The following EYS variants were observed in gnomAD, a reference collection of about 807,000 sequenced individuals.
The protein encoded by EYS is EGF-like photoreceptor maintenance factor, also known as protein eyes shut homolog.
Under a neutral mutation model 282.1 loss-of-function variants are expected in EYS, and 250 were observed. The observed-to-expected ratio is 0.89, with a 90% CI of 0.80 to 0.98. EYS has a LOEUF of 0.98. EYS is among the 50% of genes least tolerant of loss of function. EYS has a pLI of 0.00. For synonymous variants in EYS, 1,355 were observed against 1,282.9 expected (o/e 1.06, Z -1.20); for missense variants, 4,016 against 3,709.0 (o/e 1.08, Z -2.15).
Position 65,663,003 on chromosome 6 carries a change from C to T in EYS, c.-447-23111G>A, listed in dbSNP as rs532289977. Among the ~76,000 whole-genome samples the T allele has an allele frequency of 1.6e-4, 25 of 152,102 alleles. No individual in the cohort carries two copies. In the South Asian group the frequency reaches 2.5e-3, roughly 15 times the overall value. ...AGCGTATGTTAGGGTTTAGAGGGAG[C>T]GCCCCTAAAATATAAGAAAAATATT... On this transcript the variant is annotated intron_variant, in intron 1 of 42. Transcript: ENST00000503581.
intron 31 of EYS, among the ~76,000 whole-genome samples, chr6:64,121,534 T>C (rs190039616): frequency 6.7e-4 from 102 of 152,346 alleles, no homozygotes; most frequent in Non-Finnish European, 1.2e-3. Context: ...TGTGGCCTAA[T>C]GGTAAAGAAA....
At chr6:64,304,991 A>G (rs1454870285) in intron 30 of EYS, among the ~76,000 whole-genome samples, 1 of 152,070 alleles carries the variant, frequency 6.6e-6, no homozygotes, top group African/African-American at 2.4e-5. Context: ...ATCTAAACCC[A>G]AAGTAGAGAT....
chr6:64,188,481 A>T lies in EYS; in HGVS notation c.6424+42111T>A, dbSNP rs191659668. Among the ~76,000 whole-genome samples, 4 of 152,214 alleles carry T rather than the reference A, an allele frequency of 2.6e-5. No homozygotes were observed. The East Asian group carries it at 7.7e-4, about 29-fold the overall frequency. The stretch of plus-strand genomic sequence containing the variant: ...CGCTTTTTAGTAAAAATATATCCCA[A>T]ATATTGCATGGGATATATTATGCTA... On this transcript the variant is annotated intron_variant, in intron 31 of 42. Coordinates refer to ENST00000503581, the MANE Select transcript of EYS (RefSeq NM_001142800.2).
intron 36 of EYS, among the ~76,000 whole-genome samples, chr6:63,836,966 G>T (rs974395079): frequency 1.3e-5 from 2 of 151,830 alleles, no homozygotes; most frequent in African/African-American, 4.8e-5. Context: ...GAAATGAAAA[G>T]AATATTTTTT....
At chr6:64,391,566 A>G (rs1292624521) in intron 28 of EYS, among the ~76,000 whole-genome samples, 3 of 152,120 alleles carry the variant, frequency 2.0e-5, no homozygotes, top group Non-Finnish European at 2.9e-5. Context: ...TTTACAGTCA[A>G]GCAAATGCTG....
At chr6:65,484,347 T>C (rs940636103) in intron 5 of EYS, among the ~76,000 whole-genome samples, 13 of 152,184 alleles carry the variant, frequency 8.5e-5, no homozygotes, top group Non-Finnish European at 5.9e-5. Flanking sequence ...AGGGATGAGT[T>C]TGATAAATCA....
At chr6:65,005,916 G>T (rs1431186546) in intron 13 of EYS, among the ~76,000 whole-genome samples, 1 of 152,182 alleles carries the variant, frequency 6.6e-6, no homozygotes, top group African/African-American at 2.4e-5. Flanking sequence ...TTTTTTGAAA[G>T]TGTAGCCCCA....
chr6:65,468,291 CT>C (rs1246572117), intron 5 of EYS, among the ~76,000 whole-genome samples: 1 of 152,030 alleles, frequency 6.6e-6, no homozygotes, highest in East Asian at 1.9e-4. Context: ...TTTTCAAAGC[CT>C]TCTTCTCATG....
chr6:64,489,388 TGTG>T (rs1250701060), intron 26 of EYS, among the ~76,000 whole-genome samples: 1 of 150,482 alleles, frequency 6.6e-6, no homozygotes, highest in Admixed American at 6.7e-5. Flanking sequence ...CATGTGTACT[TGTG>T]GTGTGTTAAG....
chr6:65,611,625 T>G (rs188229518), intron 2 of EYS, among the ~76,000 whole-genome samples: 39 of 152,260 alleles, frequency 2.6e-4, no homozygotes, highest in African/African-American at 7.0e-4. Context: ...AATTCCAATC[T>G]GTTTAAATGT....
At chr6:64,440,258 T>G (rs1359858080) in intron 26 of EYS, among the ~76,000 whole-genome samples, 2 of 152,028 alleles carry the variant, frequency 1.3e-5, no homozygotes, top group Non-Finnish European at 2.9e-5. Flanking sequence ...ACTTTAAAAC[T>G]TCAAGAAATT....
At chr6:64,602,193 C>T (rs559682797) in intron 24 of EYS, among the ~76,000 whole-genome samples, 1 of 152,102 alleles carries the variant, frequency 6.6e-6, no homozygotes, top group Admixed American at 6.6e-5. Context: ...TCCATTCCAT[C>T]CTGCATTGTA....
chr6:64,721,899 A>G (rs1642198329), intron 22 of EYS, among the ~76,000 whole-genome samples: 1 of 152,206 alleles, frequency 6.6e-6, no homozygotes, highest in South Asian at 2.1e-4. Flanking sequence ...TTGGAACAAA[A>G]CTGATTTCAT....
chr6:63,868,182 T>TA (rs532143757), intron 35 of EYS, among the ~76,000 whole-genome samples: 8 of 152,204 alleles, frequency 5.3e-5, no homozygotes, highest in Admixed American at 2.0e-4. Flanking sequence ...AAAGCTTAGT[T>TA]AAAAAAATAC....
chr6:65,604,660 G>A (rs377538053), intron 2 of EYS, among the ~76,000 whole-genome samples: 6 of 151,872 alleles, frequency 4.0e-5, no homozygotes, highest in Admixed American at 6.6e-5. Context: ...GTATTTAAGC[G>A]AAAGTACGCT....
chr6:65,357,321 G>C (rs1385131811), intron 8 of EYS, among the ~76,000 whole-genome samples: 4 of 151,726 alleles, frequency 2.6e-5, no homozygotes, highest in Non-Finnish European at 4.4e-5. Context: ...AGTGTTTTTT[G>C]GCTTGCTATA....
At chr6:65,141,452 C>G (rs1185293080) in intron 12 of EYS, among the ~76,000 whole-genome samples, 1 of 151,762 alleles carries the variant, frequency 6.6e-6, no homozygotes, top group Admixed American at 6.6e-5. Context: ...TGTAACTAAC[C>G]TGCACATTGT....
Position 64,955,452 on chromosome 6 carries a change from T to A in EYS, c.2260-9538A>T, listed in dbSNP as rs537032123. ...CTACACACACAGAGAGGGAGAGTCT[T>A]GGGAGAGAGGCAGTGCGCATGGAAA... On this transcript the variant is annotated intron_variant, in intron 14 of 42. Coordinates refer to ENST00000503581, the MANE Select transcript of EYS (RefSeq NM_001142800.2). Among the ~76,000 whole-genome samples the A allele has an allele frequency of 1.8e-4, 28 of 152,168 alleles. No individual in the cohort carries two copies. In the East Asian group the frequency reaches 5.2e-3, roughly 28 times the overall value.
chr6:65,643,401 A>G (rs982769998), intron 1 of EYS, among the ~76,000 whole-genome samples: 7 of 152,158 alleles, frequency 4.6e-5, no homozygotes, highest in African/African-American at 1.7e-4. Flanking sequence ...GAGAGCCTGA[A>G]CTAAGACATG....
Sources: allele counts gnomAD v4.1 joint callset (sites outside exome capture counted in the v4.1 genomes callset), GRCh38; gene constraint gnomAD v4.1.1; transcripts MANE v1.5; gene names NCBI Gene and HGNC (gene_info 2026-07-23, HGNC 2026-07-21).